NECAB2: variants seen among roughly 807,000 people sequenced by gnomAD.
The protein encoded by NECAB2 is N-terminal EF-hand calcium binding protein 2, also known as N-terminal EF-hand calcium-binding protein 2.
In NECAB2, 68 loss-of-function variants were observed where a neutral mutation model predicts 51.9. That is an observed-to-expected ratio of 1.31 (90% CI 1.08 to 1.60). The LOEUF is 1.60. Among genes scored for constraint, NECAB2 ranks in the 40% most tolerant of loss-of-function variants. The pLI is 0.00. For synonymous variants in NECAB2, 329 were observed against 203.5 expected (o/e 1.62, Z -5.25); for missense variants, 854 against 490.3 (o/e 1.74, Z -7.00).
chr16:83,990,661 G>C lies in NECAB2; in HGVS notation c.596+31G>C, dbSNP rs780095482. The C allele has an allele frequency of 2.5e-6, 4 of 1,611,778 alleles. No homozygotes were observed. The African/African-American group carries it at 5.3e-5, about 22-fold the overall frequency. Reference sequence around the variant, plus strand: ...TCTCTGAGACCCTGCAGGGTCCCATGGGGGTATGCCGTGCACGCGCACGTG... The same window carrying C: ...TCTCTGAGACCCTGCAGGGTCCCATCGGGGTATGCCGTGCACGCGCACGTG... On this transcript the variant is annotated intron_variant, in intron 6 of 12. Transcript: ENST00000305202.
chr16:83,980,982 G>A (rs769900267), intron 4 of NECAB2, 48 bp from the exon 5 acceptor site: 2 of 1,605,560 alleles, frequency 1.2e-6, no homozygotes, highest in South Asian at 1.1e-5. Flanking sequence ...AGTGCTGAGT[G>A]GGAGGGGCAG....
In NECAB2 at chr16:84,002,542, C is replaced by T. The variant is rs575391574; in HGVS notation, c.*196C>T. The T allele has an allele frequency of 1.1e-5, 8 of 703,616 alleles. No individual in the cohort carries two copies. In the African/African-American group the frequency reaches 1.4e-4, roughly 13 times the overall value. 43.6% of individuals were successfully genotyped at this position (703,616 alleles called of 1,614,324 possible). A position where few individuals can be genotyped will look rare whatever the true frequency, so the allele number is the denominator to read the frequency against. ...GAAGGCAGAGCAGTGTCTGTGCTGC[C>T]AGGTCCTGGTGAAGCCCAAGGTTGA... On this transcript the variant is annotated 3_prime_UTR_variant, in exon 13 of 13. Transcript: ENST00000305202.
intron 9 of NECAB2, among the ~76,000 whole-genome samples, chr16:83,997,985 T>G (rs1017879360): frequency 6.6e-6 from 1 of 152,160 alleles, no homozygotes; most frequent in Admixed American, 6.5e-5. Flanking sequence ...CCTCGTCTGT[T>G]TTCCCCATTT....
At chr16:83,991,277 C>G (rs1438717458) in intron 6 of NECAB2, among the ~76,000 whole-genome samples, 1 of 152,022 alleles carries the variant, frequency 6.6e-6, no homozygotes, top group Non-Finnish European at 1.5e-5. Context: ...GCCACCACAG[C>G]TAGCCTATTT....
Position 83,990,503 on chromosome 16 carries a change from G to A in NECAB2, c.469G>A (p.Gly157Ser), listed in dbSNP as rs758841010. The A allele has an allele frequency of 1.9e-6, 3 of 1,614,108 alleles. No homozygotes were observed. In the East Asian group the frequency reaches 6.7e-5, roughly 36 times the overall value. The change falls in exon 6 of 13, where the codon GGT becomes AGT. Residue 157 changes from glycine to serine, a missense_variant. Physicochemically the swap from Gly to Ser is moderately conservative, Grantham distance 56 (BLOSUM62 0). Transcript: ENST00000305202. ...AMGYTKKVYE[G>S]GSNVDQFVTR... ...TCTCTTCCTTCCACAGGTATATGAGGGTGGGAGCAACGTGGACCAGTTTGT... is the reference window on the plus strand; with the variant it reads ...TCTCTTCCTTCCACAGGTATATGAGAGTGGGAGCAACGTGGACCAGTTTGT...
chr16:83,978,148 TGTTA>T (rs1436262626), intron 2 of NECAB2, among the ~76,000 whole-genome samples: 1 of 152,212 alleles, frequency 6.6e-6, no homozygotes, highest in African/African-American at 2.4e-5. Flanking sequence ...ATTGCATTAT[TGTTA>T]GTTTGAGGAT....
chr16:84,000,273 C>A (rs2084801811), intron 10 of NECAB2, among the ~76,000 whole-genome samples: 1 of 150,788 alleles, frequency 6.6e-6, no homozygotes, highest in Admixed American at 6.6e-5. Flanking sequence ...CTGAAGTTTG[C>A]AATCCTGGCA....
At chr16:83,998,788 A>T (rs1019657083) in intron 10 of NECAB2, among the ~76,000 whole-genome samples, 1 of 136,534 alleles carries the variant, frequency 7.3e-6, no homozygotes, top group African/African-American at 3.6e-5. Flanking sequence ...TGCCCAAGTC[A>T]TGTAGTTGCC....
intron 11 of NECAB2, 76 bp downstream of exon 11, chr16:84,000,877 C>G (rs962518621): frequency 6.9e-7 from 1 of 1,449,942 alleles, no homozygotes; most frequent in African/African-American, 1.4e-5. Flanking sequence ...AGCCAGGCAT[C>G]CTTGGAGGGG....
intron 5 of NECAB2, among the ~76,000 whole-genome samples, chr16:83,988,831 T>TA (rs2084586821): frequency 1.6e-5 from 2 of 123,310 alleles, no homozygotes; most frequent in African/African-American, 1.3e-4. Context: ...GCAAGCTCAG[T>TA]CCCCCCCCAT....
chr16:83,982,106 C>A (rs1270275121), intron 5 of NECAB2, among the ~76,000 whole-genome samples: 1 of 152,158 alleles, frequency 6.6e-6, no homozygotes, highest in Non-Finnish European at 1.5e-5. Flanking sequence ...CATGCAGGAC[C>A]AAGCTCGGAG....
chr16:83,972,020 AG>A, intron 1 of NECAB2, 130 bp from the exon 2 acceptor site: 2 of 1,220,438 alleles, frequency 1.6e-6, no homozygotes, highest in Admixed American at 2.0e-5. Flanking sequence ...GGGAGAGGGA[AG>A]GGGGGCTCAG....
At position 83,972,158 on chromosome 16, in the gene NECAB2, G is replaced by A. The variant is rs150219439; in HGVS notation, c.209G>A (p.Arg70His). 24 of 1,613,426 alleles carry A rather than the reference G, an allele frequency of 1.5e-5. No homozygotes were observed. The highest frequency in any genetic ancestry group is 1.6e-4 in the Middle Eastern group (1 of 6,062). ...GGTAVILDIF[R>H]RADKNDDGKL... ...CGCCTCTCTTTTCTGCAGATTTTCC[G>A]CCGTGCGGACAAAAATGGTGAGTTT... The change falls in exon 2 of 13, where the codon CGC becomes CAC. Residue 70 changes from arginine (R) to histidine (H), a missense_variant. By Grantham distance (29) the Arg-to-His change is conservative. Transcript: ENST00000305202.
In NECAB2 at chr16:83,990,142, T is replaced by G. The variant is rs116943568; in HGVS notation, c.460-352T>G. 5.9e-5 allele frequency among the ~76,000 whole-genome samples: 9 copies of G among 152,326 alleles called. No homozygotes were observed. In the East Asian group the frequency reaches 1.7e-3, roughly 29 times the overall value. ...CTATATTGTAGCACCTACTGTTGAT[T>G]GAGTCTTTGCTGTGTGGCAGGCCCT... is the stretch of plus-strand genomic sequence containing the variant. On this transcript the variant is annotated intron_variant, in intron 5 of 12. Coordinates refer to ENST00000305202, the MANE Select transcript of NECAB2 (RefSeq NM_019065.3).
chr16:83,981,845 G>A (rs2084493383), intron 5 of NECAB2, among the ~76,000 whole-genome samples: 1 of 152,176 alleles, frequency 6.6e-6, no homozygotes, highest in African/African-American at 2.4e-5. Flanking sequence ...GCAAGGGTGA[G>A]GGACCCACAG....
At chr16:83,969,215 C>G (rs2084322861) in intron 1 of NECAB2, among the ~76,000 whole-genome samples, 1 of 152,068 alleles carries the variant, frequency 6.6e-6, no homozygotes, top group African/African-American at 2.4e-5. Context: ...TCGCCGCGTC[C>G]AGCCGCCTCC....
chr16:83,988,302 T>C (rs1227288473), intron 5 of NECAB2, among the ~76,000 whole-genome samples: 1 of 152,248 alleles, frequency 6.6e-6, no homozygotes, highest in African/African-American at 2.4e-5. Context: ...CTGCCCTGTT[T>C]ATATCATGGA....
At chr16:83,966,689 A>G (rs1308591095), upstream of NECAB2, among the ~76,000 whole-genome samples, 1 of 152,058 alleles carries the variant, frequency 6.6e-6, no homozygotes, top group Admixed American at 6.5e-5. Flanking sequence ...TGCCTGCCCC[A>G]AGGCCTTTGC....
intron 8 of NECAB2, among the ~76,000 whole-genome samples, chr16:83,996,076 C>T (rs189283459): frequency 6.6e-6 from 1 of 152,218 alleles, no homozygotes; most frequent in African/African-American, 2.4e-5. Flanking sequence ...CCGGGCCTGG[C>T]TTCAGGCCCC....
Sources: gnomAD v4.1 joint callset for allele counts (sites outside exome capture counted in the v4.1 genomes callset) on GRCh38, gnomAD v4.1.1 for gene constraint, MANE v1.5 for transcripts, NCBI Gene and HGNC (gene_info 2026-07-23, HGNC 2026-07-21) for gene names.